The following CCNYL1 variants were observed in gnomAD, a reference collection of about 807,000 sequenced individuals.
The protein encoded by CCNYL1 is cyclin Y like 1, also known as cyclin-Y-like protein 1.
CCNYL1 carries 16 observed loss-of-function variants against 44.2 expected under a neutral mutation model. The observed-to-expected ratio is 0.36, with a 90% CI of 0.25 to 0.55. CCNYL1 has a LOEUF of 0.55. CCNYL1 is among the 20% of genes least tolerant of loss of function. The probability of loss-of-function intolerance (pLI) is 0.85; values close to 1 mark genes in which losing one functional copy is unlikely to be tolerated. For missense variants in CCNYL1, 348 were observed against 451.8 expected (o/e 0.77, Z 2.08); for synonymous variants, 159 against 163.2 (o/e 0.97, Z 0.20).
At chr2:207,735,618 C>T (rs1261918954) in intron 4 of CCNYL1, among the ~76,000 whole-genome samples, 1 of 152,268 alleles carries the variant, frequency 6.6e-6, no homozygotes, top group South Asian at 2.1e-4. Flanking sequence ...GTAATCCTAG[C>T]ACTTTGGGAG....
At chr2:207,741,488 T>C (rs2105835719) in intron 6 of CCNYL1, among the ~76,000 whole-genome samples, 1 of 152,274 alleles carries the variant, frequency 6.6e-6, no homozygotes, top group South Asian at 2.1e-4. Context: ...CTAAAAGTCA[T>C]GTCACTCAAC....
At chr2:207,727,586 G>A (rs2091690426) in intron 3 of CCNYL1, among the ~76,000 whole-genome samples, 1 of 152,036 alleles carries the variant, frequency 6.6e-6, no homozygotes, top group African/African-American at 2.4e-5. Flanking sequence ...TTTTCTAACA[G>A]CTATTTTTCC....
chr2:207,746,380 T>C (rs2091855222), intron 7 of CCNYL1, among the ~76,000 whole-genome samples: 1 of 152,208 alleles, frequency 6.6e-6, no homozygotes, highest in Admixed American at 6.5e-5. Context: ...AAAATTACTA[T>C]CTACCATGCA....
intron 3 of CCNYL1, among the ~76,000 whole-genome samples, chr2:207,728,169 G>A (rs552530069): frequency 1.3e-5 from 2 of 152,018 alleles, no homozygotes; most frequent in Admixed American, 1.3e-4. Flanking sequence ...TCACCATGTT[G>A]GCCAGGCTGG....
At chr2:207,752,513 G>A (rs555393177) in intron 9 of CCNYL1, among the ~76,000 whole-genome samples, 1 of 149,988 alleles carries the variant, frequency 6.7e-6, no homozygotes, top group Non-Finnish European at 1.5e-5. Flanking sequence ...CAGCCTGGGC[G>A]ATAGAGCAAG....
chr2:207,724,947 AAGGT>A, intron 2 of CCNYL1, 73 bp downstream of exon 2: 1 of 1,218,136 alleles, frequency 8.2e-7, no homozygotes. Flanking sequence ...TGTATTATAG[AAGGT>A]ATTTAGAAGA....
chr2:207,712,013 C>A lies in CCNYL1; in HGVS notation c.117C>A (p.Asp39Glu). The A allele has an allele frequency of 6.7e-7, 1 of 1,486,182 alleles. No individual in the cohort carries two copies. Among genetic ancestry groups the A allele is most frequent in the Non-Finnish European group, 8.9e-7 (1 of 1,117,528 alleles). 92.1% of individuals were successfully genotyped at this position (1,486,182 alleles called of 1,614,324 possible). ...ACATCTACGAGGCGGTGTCCGGGGA[C>A]GCGGTGGCGGTAGCGCCCGCTGTGG... Reference protein sequence around the residue: ...ASDIYEAVSGDAVAVAPAVVE... With the variant: ...ASDIYEAVSGEAVAVAPAVVE... The change falls in exon 1 of 10, where the codon GAC (aspartate) becomes GAA (glutamate). Residue 39 changes from aspartate to glutamate, a missense_variant. Physicochemically the swap from Asp to Glu is conservative, Grantham distance 45. Around this residue, in one of 3 missense-constraint regions of CCNYL1, gnomAD observed 209 missense variants for 247.7 expected, o/e 0.84. Coordinates refer to ENST00000295414, the MANE Select transcript of CCNYL1 (RefSeq NM_001330218.2).
At chr2:207,753,444 TG>T (rs2091909220) in intron 9 of CCNYL1, 143 bp from the exon 10 acceptor site, 1 of 566,028 alleles carries the variant, frequency 1.8e-6, no homozygotes, top group African/African-American at 1.9e-5. Flanking sequence ...CCCCACAACC[TG>T]GCAGTGTAAA....
intron 1 of CCNYL1, among the ~76,000 whole-genome samples, chr2:207,722,527 A>G (rs1022221979): frequency 1.1e-4 from 16 of 151,610 alleles, no homozygotes; most frequent in African/African-American, 3.9e-4. Flanking sequence ...CTTCATTGAA[A>G]ATTCCTAATT....
intron 7 of CCNYL1, among the ~76,000 whole-genome samples, chr2:207,743,189 G>C (rs1302938690): frequency 6.6e-6 from 1 of 152,230 alleles, no homozygotes; most frequent in Non-Finnish European, 1.5e-5. Context: ...TTTTCATGGA[G>C]CTGTAAGCCA....
rs2091924740 is a variant in CCNYL1 at position 207,755,388 on chromosome 2, G to C, written c.*1690G>C. ...TCCAGACCCTGTCTCAAAGAAAAAA[G>C]CAGAAGAAAAATGTTCAGACAAGGT... On this transcript the variant is annotated 3_prime_UTR_variant, in exon 10 of 10. Transcript: ENST00000295414. The C allele has an allele frequency of 6.6e-6, 1 of 152,050 alleles. No homozygotes were observed. Among genetic ancestry groups the C allele is most frequent in the South Asian group, 2.1e-4 (1 of 4,826 alleles). The allele number at this position is 152,050 out of a possible 1,614,324, so 9.4% of individuals were successfully genotyped here. A position where few individuals can be genotyped will look rare whatever the true frequency, so the allele number is the denominator to read the frequency against.
chr2:207,736,917 G>T (rs2091769496), intron 4 of CCNYL1, among the ~76,000 whole-genome samples: 1 of 151,206 alleles, frequency 6.6e-6, no homozygotes, highest in African/African-American at 2.4e-5. Context: ...CATATTACTG[G>T]GTTTTTTTTT....
intron 8 of CCNYL1, 23 bp downstream of exon 8, chr2:207,747,236 A>C: frequency 6.3e-7 from 1 of 1,585,808 alleles, no homozygotes; most frequent in East Asian, 2.3e-5. Context: ...GGTTTTGGTG[A>C]ACTTTCTAAC....
At chr2:207,753,548 TTAAAATTGTACCTGTTTTC>T (rs1217113297) in intron 9 of CCNYL1, 21 bp from the exon 10 acceptor site, 1 of 1,404,312 alleles carries the variant, frequency 7.1e-7, no homozygotes. Context: ...GGAACCCTTT[TTAAAATTGTACCTGTTTTC>T]TATTTGATTG....
At position 207,724,870 on chromosome 2, in the gene CCNYL1, G is replaced by A. The variant is rs771131695; in HGVS notation, c.291G>A (p.Thr97=). Residue 97 remains threonine, a synonymous_variant, in exon 2 of 10, where the codon ACG becomes ACA. Transcript: ENST00000295414. ...CAATTTTCCTGAGCAAATCTCAAAC[G>A]GATGGTAAGACAATACTGTTTTTTC... ...ASTIFLSKSQ[T]DVREKRKSNH... 2.4e-5 allele frequency: 38 copies of A among 1,610,408 alleles called. No individual in the cohort carries two copies. Among genetic ancestry groups the A allele is most frequent in the South Asian group, 3.3e-5 (3 of 90,484 alleles).
At chr2:207,748,304 G>A (rs1559173142) in intron 8 of CCNYL1, among the ~76,000 whole-genome samples, 1 of 152,192 alleles carries the variant, frequency 6.6e-6, no homozygotes, top group African/African-American at 2.4e-5. Context: ...GGCTCCCTGG[G>A]CACTCGGACA....
At chr2:207,716,892 G>A (rs1042945361) in intron 1 of CCNYL1, among the ~76,000 whole-genome samples, 6 of 152,048 alleles carry the variant, frequency 3.9e-5, no homozygotes, top group South Asian at 2.1e-4. Context: ...GGTGGATCAC[G>A]AGGTCAGGAG....
intron 7 of CCNYL1, among the ~76,000 whole-genome samples, 179 bp downstream of exon 7, chr2:207,742,521 C>G (rs2091819268): frequency 6.6e-6 from 1 of 152,118 alleles, no homozygotes; most frequent in Non-Finnish European, 1.5e-5. Flanking sequence ...GAACATGTTT[C>G]CATTGCTTTT....
chr2:207,720,107 C>G (rs78837766), intron 1 of CCNYL1, among the ~76,000 whole-genome samples: 24,266 of 141,800 alleles, frequency 0.17, 3,266 homozygotes, highest in East Asian at 0.41. Context: ...AAAATCGCTT[C>G]AACTCAGGAG....
Sources: allele counts gnomAD v4.1 joint callset (sites outside exome capture counted in the v4.1 genomes callset), GRCh38; gene constraint gnomAD v4.1.1; regional missense constraint gnomAD v4.1.1; transcripts MANE v1.5; gene names NCBI Gene and HGNC (gene_info 2026-07-23, HGNC 2026-07-21).